PRDM16: variants seen among roughly 807,000 people sequenced by gnomAD.
PRDM16 encodes PR/SET domain 16.
A neutral mutation model predicts 110.6 loss-of-function variants in PRDM16; 23 were observed. The observed-to-expected ratio is 0.21, with a 90% confidence interval of 0.15 to 0.29. The LOEUF is 0.29. PRDM16 is among the 10% of genes least tolerant of loss of function. The pLI is 1.00. For synonymous variants in PRDM16, 799 were observed against 781.8 expected, an observed-to-expected ratio of 1.02 and a Z score of -0.37; for missense variants, 1,615 against 1,794.3, an observed-to-expected ratio of 0.90 and a Z score of 1.81.
chr1:3,198,513 G>A (rs1054726450), intron 2 of PRDM16, among the ~76,000 whole-genome samples: 1 of 152,270 alleles, frequency 6.6e-6, no homozygotes. Context: ...CCCACCTGGA[G>A]TGCTTGGCGT....
At chr1:3,362,016 G>A (rs928518841) in intron 3 of PRDM16, among the ~76,000 whole-genome samples, 1 of 152,182 alleles carries the variant, frequency 6.6e-6, no homozygotes, top group African/African-American at 2.4e-5. Flanking sequence ...AGGAGGGCAG[G>A]TGGTGAGAAG....
In PRDM16 at chr1:3,396,511, G is replaced by A; in HGVS notation, c.594G>A (p.Lys198=). 1 of 1,599,572 alleles carries A rather than the reference G, an allele frequency of 6.3e-7. No individual in the cohort carries two copies. Among genetic ancestry groups the A allele is most frequent in the African/African-American group, 1.3e-5 (1 of 74,830 alleles). The change falls in exon 5 of 17, where the codon AAG becomes AAA. Residue 198 remains lysine, a synonymous_variant. Coordinates refer to ENST00000270722, the MANE Select transcript of PRDM16 (RefSeq NM_022114.4). ...CCTAGATTTACTATAAAGTCATTAA[G>A]GACATTGAGCCAGGTGAGGAGCTGC... ...ISEQIYYKVI[K]DIEPGEELLV... is the part of the protein sequence containing the mutation.
rs575155324 is a variant in PRDM16, at chr1:3,155,596, G to T, written c.38-30529G>T. ...CGTTGCCGCGTCTCACCCGGAGGAG[G>T]GAGGGCCGCAGGCTCCCAGCACGGC... On this transcript the variant is annotated intron_variant, in intron 1 of 16. Transcript: ENST00000270722. 3.3e-5 allele frequency among the ~76,000 whole-genome samples: 5 copies of T among 152,398 alleles called. 1 individual carries two copies. In the South Asian group the frequency reaches 1.0e-3, roughly 32 times the overall value.
At chr1:3,241,952 G>A (rs1639684312) in intron 2 of PRDM16, among the ~76,000 whole-genome samples, 1 of 152,250 alleles carries the variant, frequency 6.6e-6, no homozygotes, top group African/African-American at 2.4e-5. Flanking sequence ...ATGTGAGGTT[G>A]TGGTGTTAAC....
Position 3,358,779 on chromosome 1 carries a change from C to T in PRDM16, c.439-26373C>T, listed in dbSNP as rs1468643833. Among the ~76,000 whole-genome samples, 1 of 152,214 alleles carries T rather than the reference C, an allele frequency of 6.6e-6. No individual in the cohort carries two copies. Among genetic ancestry groups the T allele is most frequent in the Non-Finnish European group, 1.5e-5 (1 of 68,040 alleles). ...CACTGTGTGTGAGTCCCACCTCCTT[C>T]CAGTCTCCACAAAGTCACAGTGTGT... On this transcript the variant is annotated intron_variant, in intron 3 of 16. Transcript: ENST00000270722. This position sits in a 1 kb window ranked among gnomAD's most constrained non-coding sequence, Gnocchi z 4.0.
intron 1 of PRDM16, among the ~76,000 whole-genome samples, chr1:3,134,543 C>T (rs534409272): frequency 6.6e-6 from 1 of 152,334 alleles, no homozygotes; most frequent in Non-Finnish European, 1.5e-5. Flanking sequence ...GAAGCCCCGT[C>T]CTGCTTAGAC....
chr1:3,181,192 ACGG>A (rs1557508264), intron 1 of PRDM16, among the ~76,000 whole-genome samples: 15 of 140,116 alleles, frequency 1.1e-4, no homozygotes, highest in South Asian at 2.4e-4. Flanking sequence ...ACGCAGTCTT[ACGG>A]TCTTACACAC....
At chr1:3,374,609 G>T (rs1371709535) in intron 3 of PRDM16, among the ~76,000 whole-genome samples, 1 of 152,134 alleles carries the variant, frequency 6.6e-6, no homozygotes, top group Non-Finnish European at 1.5e-5. Flanking sequence ...CTTTCTCCTG[G>T]GGGCCGCTGT....
intron 2 of PRDM16, among the ~76,000 whole-genome samples, chr1:3,202,972 A>G (rs1638668760): frequency 6.6e-6 from 1 of 152,208 alleles, no homozygotes; most frequent in South Asian, 2.1e-4. Context: ...CTTTGACGGA[A>G]TCTGAAGAAA....
At chr1:3,322,606 T>C (rs538130326) in intron 3 of PRDM16, among the ~76,000 whole-genome samples, 1 of 151,724 alleles carries the variant, frequency 6.6e-6, no homozygotes, top group East Asian at 2.0e-4. Flanking sequence ...CTCCCAGACC[T>C]GCGGCACCCA....
At position 3,425,480 on chromosome 1, in the gene PRDM16, G is replaced by A. The variant is rs1638576552; in HGVS notation, c.2940-101G>A. On this transcript the variant is annotated intron_variant, in intron 12 of 16. Coordinates refer to ENST00000270722, the MANE Select transcript of PRDM16 (RefSeq NM_022114.4). This position sits in a 1 kb window ranked among gnomAD's most constrained non-coding sequence, Gnocchi z 6.9. ...ACGGCGGGGCAAAGCTGTGCACGGG[G>A]CACGGGGCAGGGGCGCGGGCTCCCT... 2.3e-6 allele frequency: 3 copies of A among 1,301,732 alleles called. No homozygotes were observed. Among genetic ancestry groups the A allele is most frequent in the African/African-American group, 1.5e-5 (1 of 67,752 alleles). The allele number at this position is 1,301,732 out of a possible 1,614,324, so 80.6% of individuals were successfully genotyped here.
intron 8 of PRDM16, among the ~76,000 whole-genome samples, chr1:3,409,682 G>T (rs1156885088): frequency 2.6e-5 from 4 of 151,546 alleles, no homozygotes; most frequent in Non-Finnish European, 5.9e-5. Context: ...TGGTGTGTGT[G>T]TGCGTGTGTG....
At chr1:3,263,845 G>T (rs1453273644) in intron 3 of PRDM16, among the ~76,000 whole-genome samples, 1 of 152,198 alleles carries the variant, frequency 6.6e-6, no homozygotes, top group East Asian at 1.9e-4. Flanking sequence ...CGCAGGTGGG[G>T]GTATGGCGGC....
intron 6 of PRDM16, among the ~76,000 whole-genome samples, chr1:3,404,309 G>A (rs1211994796): frequency 6.6e-6 from 1 of 152,218 alleles, no homozygotes; most frequent in African/African-American, 2.4e-5. Context: ...TCCTCGGTGT[G>A]TGCCCAGCAC....
intron 12 of PRDM16, among the ~76,000 whole-genome samples, chr1:3,421,414 T>C (rs1235212267): frequency 2.0e-5 from 3 of 152,214 alleles, no homozygotes; most frequent in Non-Finnish European, 4.4e-5. Flanking sequence ...TCCTTCCTTT[T>C]GGAGCTCACG....
chr1:3,314,853 C>T (rs914029416), intron 3 of PRDM16, among the ~76,000 whole-genome samples: 4 of 152,158 alleles, frequency 2.6e-5, no homozygotes, highest in African/African-American at 9.7e-5. Context: ...TTATTTCAGC[C>T]TTCGCCCTAT....
In PRDM16 at chr1:3,435,822, C is replaced by T. The variant is rs1488137671; in HGVS notation, c.*2011C>T. ...ACTGAAGACGTGCCACGGGGAGGCT[C>T]CTGCAGGAGGCTCAACCCGACGGAT... On this transcript the variant is annotated 3_prime_UTR_variant, in exon 17 of 17. Transcript: ENST00000270722. The T allele has an allele frequency of 4.3e-6, 1 of 232,152 alleles. No individual in the cohort carries two copies. The highest frequency in any genetic ancestry group is 8.5e-6 in the Non-Finnish European group (1 of 117,432). The allele number at this position is 232,152 out of a possible 1,614,324, so 14.4% of individuals were successfully genotyped here. A position where few individuals can be genotyped will look rare whatever the true frequency, so the allele number is the denominator to read the frequency against.
chr1:3,373,850 G>A lies in PRDM16; in HGVS notation c.439-11302G>A, dbSNP rs189195949. Among the ~76,000 whole-genome samples the A allele has an allele frequency of 2.5e-4, 38 of 152,372 alleles. No individual in the cohort carries two copies. The East Asian group carries it at 7.1e-3, about 29-fold the overall frequency. On this transcript the variant is annotated intron_variant, in intron 3 of 16. Coordinates refer to ENST00000270722, the MANE Select transcript of PRDM16 (RefSeq NM_022114.4). ...GGGGACACATGGCCGAGCCTGGGAC[G>A]TCCTGCCAGAAAGCATCCACAGGAA... is the stretch of plus-strand genomic sequence containing the variant.
chr1:3,233,423 G>C (rs1639463976), intron 2 of PRDM16, among the ~76,000 whole-genome samples: 1 of 152,206 alleles, frequency 6.6e-6, no homozygotes, highest in Non-Finnish European at 1.5e-5. Context: ...ACCCGCCGGA[G>C]CTGGGGTCCC....
Sources: gnomAD v4.1 joint callset for allele counts (sites outside exome capture counted in the v4.1 genomes callset) on GRCh38, gnomAD v4.1.1 for gene constraint, Gnocchi (gnomAD v3.1) non-coding constraint, MANE v1.5 for transcripts, NCBI Gene and HGNC (gene_info 2026-07-23, HGNC 2026-07-21) for gene names.